The following SLC22A17 variants were observed in gnomAD, a reference collection of about 807,000 sequenced individuals.
The protein encoded by SLC22A17 is solute carrier family 22 member 17, also known as 24p3 receptor.
SLC22A17 carries 38 observed loss-of-function variants against 53.6 expected under a neutral mutation model. The ratio of observed to expected loss-of-function variants is 0.71; its 90% confidence interval spans 0.55 to 0.93. SLC22A17 has a LOEUF of 0.93. SLC22A17 is among the 40% of genes least tolerant of loss of function. SLC22A17 has a pLI of 0.00. For missense variants in SLC22A17, 704 were observed against 791.0 expected, an observed-to-expected ratio of 0.89 and a Z score of 1.32; for synonymous variants, 379 against 353.0, an observed-to-expected ratio of 1.07 and a Z score of -0.82.
intron 3 of SLC22A17, 72 bp downstream of exon 3, chr14:23,351,680 C>T (rs1325570418): frequency 9.6e-6 from 13 of 1,349,642 alleles, no homozygotes; most frequent in African/African-American, 1.5e-5. Flanking sequence ...CTCCTGTAAA[C>T]GCCCGCTGCT....
chr14:23,352,838 G>A lies in SLC22A17; in HGVS notation c.-97C>T. The A allele has an allele frequency of 2.5e-6, 1 of 398,260 alleles. No individual in the cohort carries two copies. Among genetic ancestry groups the A allele is most frequent in the Non-Finnish European group, 4.4e-6 (1 of 225,616 alleles). 24.7% of individuals were successfully genotyped at this position (398,260 alleles called of 1,614,324 possible). ...GCTGCCCGGACACAGACAGCTCGAA[G>A]AGATCCCGCTCTGCAGCTCTGCAGC... On this transcript the variant is annotated 5_prime_UTR_variant, in exon 1 of 10. Coordinates refer to ENST00000397267, the Ensembl canonical transcript of SLC22A17. The surrounding 1 kb of genome is among the most constrained non-coding windows in gnomAD (Gnocchi z 7.2).
chr14:23,348,930 GC>G lies in SLC22A17; in HGVS notation c.860-260del, dbSNP rs1159371568. 3.4e-6 allele frequency: 2 copies of G among 594,794 alleles called. No individual in the cohort carries two copies. Among genetic ancestry groups the G allele is most frequent in the Non-Finnish European group, 5.9e-6 (2 of 336,220 alleles). The allele number at this position is 594,794 out of a possible 1,614,324, so 36.8% of individuals were successfully genotyped here. On this transcript the variant is annotated intron_variant, in intron 4 of 9. Coordinates refer to ENST00000397267, the Ensembl canonical transcript of SLC22A17. The surrounding 1 kb of genome is among the most constrained non-coding windows in gnomAD (Gnocchi z 4.5). ...AGTGTTCAACATTTCCAATTTATAGGCCCTTTCCCATCAGGCCTCTTATTTG... is the reference window on the plus strand; with the variant it reads ...AGTGTTCAACATTTCCAATTTATAGGCCTTTCCCATCAGGCCTCTTATTTG...
chr14:23,346,645 C>G (rs555999104), exon 10 of SLC22A17: 1 of 1,478,466 alleles, frequency 6.8e-7, no homozygotes, highest in African/African-American at 1.4e-5. Flanking sequence ...ACTCAGAGGC[C>G]GCTCAGAGGG....
chr14:23,348,833 T>C lies in SLC22A17; in HGVS notation c.860-162A>G. On this transcript the variant is annotated intron_variant, in intron 4 of 9. Coordinates refer to ENST00000397267, the Ensembl canonical transcript of SLC22A17. The surrounding 1 kb of genome is among the most constrained non-coding windows in gnomAD (Gnocchi z 4.5). Reference sequence around the variant, plus strand: ...TTGCTAACCTCTGGGTGGCAAGGACTGGGGAGACTGTTCAGCCCTCTCTCC... The same window carrying C: ...TTGCTAACCTCTGGGTGGCAAGGACCGGGGAGACTGTTCAGCCCTCTCTCC... The C allele has an allele frequency of 1.4e-6, 1 of 737,618 alleles. No homozygotes were observed. Among genetic ancestry groups the C allele is most frequent in the Non-Finnish European group, 2.2e-6 (1 of 463,312 alleles). 45.7% of individuals were successfully genotyped at this position (737,618 alleles called of 1,614,324 possible).
exon 10 of SLC22A17, chr14:23,346,697 G>A (rs1384049537): frequency 6.5e-7 from 1 of 1,539,792 alleles, no homozygotes; most frequent in East Asian, 2.3e-5. Flanking sequence ...GTCACAGCGG[G>A]TAGGGGGTGG....
chr14:23,346,523 C>T (rs1017189933), exon 10 of SLC22A17: 7 of 1,255,254 alleles, frequency 5.6e-6, no homozygotes, highest in East Asian at 2.6e-5. Flanking sequence ...CTGAGCTCTC[C>T]GCGATGGCTG....
chr14:23,347,463 T>C lies in SLC22A17; in HGVS notation c.1546A>G (p.Arg516Gly), dbSNP rs1319712723. ...TGGCTGTGCCTGTCTGAAGCACCTC[T>C]GTTGGGGTTCCCTTGTTGAGCCCAC... The change falls in exon 8 of 10, where the codon AGA becomes GGA. Residue 516 changes from arginine (R) to glycine (G), a missense_variant. Coordinates refer to ENST00000397267, the Ensembl canonical transcript of SLC22A17. The surrounding 1 kb of genome is among the most constrained non-coding windows in gnomAD (Gnocchi z 5.1). 1 of 1,613,442 alleles carries C rather than the reference T, an allele frequency of 6.2e-7. No homozygotes were observed. Among genetic ancestry groups the C allele is most frequent in the Non-Finnish European group, 8.5e-7 (1 of 1,179,704 alleles).
At chr14:23,351,630 G>T in intron 3 of SLC22A17, 122 bp downstream of exon 3, 1 of 729,952 alleles carries the variant, frequency 1.4e-6, no homozygotes, top group Non-Finnish European at 2.3e-6. Context: ...TTGAATAGAA[G>T]TCCAGAGAAG....
In SLC22A17 at chr14:23,348,592, C is replaced by G. The variant is rs1485777852; in HGVS notation, c.939G>C (p.Leu313=). Residue 313 remains leucine, a synonymous_variant, in exon 5 of 10, where the codon CTG becomes CTC. Coordinates refer to ENST00000397267, the Ensembl canonical transcript of SLC22A17. The surrounding 1 kb of genome is among the most constrained non-coding windows in gnomAD (Gnocchi z 4.5). ...TAGAGACAAGGGCCAGGCCCAGGAA[C>G]AGGAAGTGCCCTCCCACCCCCACCA... 6.2e-7 allele frequency: 1 copy of G among 1,613,978 alleles called. No homozygotes were observed. Among genetic ancestry groups the G allele is most frequent in the African/African-American group, 1.3e-5 (1 of 74,918 alleles).
At position 23,347,690 on chromosome 14, in the gene SLC22A17, C is replaced by G; in HGVS notation, c.1319G>C (p.Gly440Ala). 1 of 1,614,038 alleles carries G rather than the reference C, an allele frequency of 6.2e-7. No homozygotes were observed. The highest frequency in any genetic ancestry group is 8.5e-7 in the Non-Finnish European group (1 of 1,180,028). Residue 440 changes from glycine to alanine, a missense_variant, in exon 8 of 10, where the codon GGA (glycine) becomes GCA (alanine). Physicochemically the swap from Gly to Ala is moderately conservative, Grantham distance 60. Around this residue, in one of 4 missense-constraint regions of SLC22A17, gnomAD observed 435 missense variants for 529.0 expected, o/e 0.82. Transcript: ENST00000397267. This position sits in a 1 kb window ranked among gnomAD's most constrained non-coding sequence, Gnocchi z 5.1. ...GAAGTCCGATGGGCTCCCTCCTCCT[C>G]CCACAGGCTGGTAGCAGTGGCGAAT...
chr14:23,351,685 G>A lies in SLC22A17; in HGVS notation c.704+67C>T, dbSNP rs533654599. ...CGTCTTCGACCTCCTGTAAACGCCC[G>A]CTGCTTGGGTTAGCTTCCCTAGCAC... On this transcript the variant is annotated intron_variant, in intron 3 of 9. Coordinates refer to ENST00000397267, the Ensembl canonical transcript of SLC22A17. 2.8e-6 allele frequency: 4 copies of A among 1,420,036 alleles called. No individual in the cohort carries two copies. In the South Asian group the frequency reaches 3.7e-5, roughly 13 times the overall value. The allele number at this position is 1,420,036 out of a possible 1,614,324, so 88.0% of individuals were successfully genotyped here. A position where few individuals can be genotyped will look rare whatever the true frequency, so the allele number is the denominator to read the frequency against.
rs962976981 is a variant in SLC22A17, at chr14:23,347,808, C to T, written c.1278-77G>A. ...GCCTTCTACAGTGCTGATGGTCCTC[C>T]GCAGGGGTCCCCGGGCCTTCCCACC... On this transcript the variant is annotated intron_variant, in intron 7 of 9. Coordinates refer to ENST00000397267, the Ensembl canonical transcript of SLC22A17. This position sits in a 1 kb window ranked among gnomAD's most constrained non-coding sequence, Gnocchi z 5.1. 9.7e-5 allele frequency: 156 copies of T among 1,611,108 alleles called. No individual in the cohort carries two copies. Among genetic ancestry groups the T allele is most frequent in the Admixed American group, 1.7e-4 (10 of 59,918 alleles).
Position 23,348,327 on chromosome 14 carries a change from G to A in SLC22A17, c.1026-21C>T, listed in dbSNP as rs942335858. The stretch of plus-strand genomic sequence containing the variant: ...GCCAGCTGGGGGCAGGGGGGAAGGG[G>A]TATACTGTGAGGCCTCCCTTCTCCT... On this transcript the variant is annotated intron_variant, in intron 5 of 9. Coordinates refer to ENST00000397267, the Ensembl canonical transcript of SLC22A17. This position sits in a 1 kb window ranked among gnomAD's most constrained non-coding sequence, Gnocchi z 4.5. 13 of 1,613,298 alleles carry A rather than the reference G, an allele frequency of 8.1e-6. No individual in the cohort carries two copies. The highest frequency in any genetic ancestry group is 5.3e-5 in the African/African-American group (4 of 74,910).
In SLC22A17 at chr14:23,352,400, G is replaced by T. The variant is rs753833829; in HGVS notation, c.148C>A (p.Arg50=). 194 of 580,638 alleles carry T rather than the reference G, an allele frequency of 3.3e-4. No homozygotes were observed. The highest frequency in any genetic ancestry group is 3.1e-4 in the Non-Finnish European group (110 of 360,082). 36.0% of individuals were successfully genotyped at this position (580,638 alleles called of 1,614,324 possible). ...CCCTCCCCCTCCCGCTCGCGCTCCC[G>T]CTCACCCTGCAGCTGCTCCGTGGGC... The change falls in exon 2 of 10, where the codon CGG becomes AGG. Residue 50 remains arginine, a synonymous_variant. Coordinates refer to ENST00000397267, the Ensembl canonical transcript of SLC22A17. This position sits in a 1 kb window ranked among gnomAD's most constrained non-coding sequence, Gnocchi z 7.2.
chr14:23,347,673 A>G lies in SLC22A17; in HGVS notation c.1336T>C (p.Ser446Pro). 1 of 1,613,990 alleles carries G rather than the reference A, an allele frequency of 6.2e-7. No homozygotes were observed. Among genetic ancestry groups the G allele is most frequent in the Non-Finnish European group, 8.5e-7 (1 of 1,180,008 alleles). The change falls in exon 8 of 10, where the codon TCG becomes CCG. Residue 446 changes from serine (S) to proline (P), a missense_variant. Around this residue, in one of 4 missense-constraint regions of SLC22A17, gnomAD observed 435 missense variants for 529.0 expected, o/e 0.82. Transcript: ENST00000397267. This position sits in a 1 kb window ranked among gnomAD's most constrained non-coding sequence, Gnocchi z 5.1. ...AGCAGAGAGCACAGGTAGAAGTCCGATGGGCTCCCTCCTCCTCCCACAGGC... is the reference window on the plus strand; with the variant it reads ...AGCAGAGAGCACAGGTAGAAGTCCGGTGGGCTCCCTCCTCCTCCCACAGGC...
At position 23,348,178 on chromosome 14, in the gene SLC22A17, G is replaced by GCCTCCTGGA; in HGVS notation, c.1153_1154insTCCAGGAGG (p.Glu384_Ala385insValGlnGlu). On this transcript the variant is annotated inframe_insertion, in exon 6 of 10. Coordinates refer to ENST00000397267, the Ensembl canonical transcript of SLC22A17. This position sits in a 1 kb window ranked among gnomAD's most constrained non-coding sequence, Gnocchi z 4.5. ...TCTCTTACCCTGCAGGGCCTCCTGG[G>GCCTCCTGGA]CCTCCTCCCCCAGCATCTGCCCATG... The GCCTCCTGGA allele has an allele frequency of 6.2e-7, 1 of 1,614,040 alleles. No individual in the cohort carries two copies. Among genetic ancestry groups the GCCTCCTGGA allele is most frequent in the Non-Finnish European group, 8.5e-7 (1 of 1,179,966 alleles).
chr14:23,347,558 G>A lies in SLC22A17; in HGVS notation c.1451C>T (p.Thr484Ile). 1 of 1,614,088 alleles carries A rather than the reference G, an allele frequency of 6.2e-7. No individual in the cohort carries two copies. Among genetic ancestry groups the A allele is most frequent in the African/African-American group, 1.3e-5 (1 of 75,040 alleles). The change falls in exon 8 of 10, where the codon ACC (threonine) becomes ATC (isoleucine). Residue 484 changes from threonine to isoleucine, a missense_variant. Coordinates refer to ENST00000397267, the Ensembl canonical transcript of SLC22A17. The surrounding 1 kb of genome is among the most constrained non-coding windows in gnomAD (Gnocchi z 5.1). The stretch of plus-strand genomic sequence containing the variant: ...GACCAGGGAAGCAATGCCGGTAAGG[G>A]TCATGGAGAGAAGAAGGATGCCCCG...
At chr14:23,349,617 G>A in intron 3 of SLC22A17, 191 bp from the exon 4 acceptor site, 1 of 638,224 alleles carries the variant, frequency 1.6e-6, no homozygotes, top group South Asian at 2.0e-5. Context: ...ACTGGGCACT[G>A]GGGTGTGGTT....
rs375279686 is a variant in SLC22A17 at position 23,347,609 on chromosome 14, C to G, written c.1400G>C (p.Gly467Ala). 34 of 1,613,888 alleles carry G rather than the reference C, an allele frequency of 2.1e-5. No homozygotes were observed. The highest frequency in any genetic ancestry group is 2.5e-5 in the Non-Finnish European group (29 of 1,179,998). ...GCGGCCAAATCGGTCCACGGTGACC[C>G]CCAGGAAGACACAGGCCAGGGCTGC... The change falls in exon 8 of 10, where the codon GGG (glycine) becomes GCG (alanine). Residue 467 changes from glycine to alanine, a missense_variant. Gly to Ala is a moderately conservative substitution (Grantham distance 60). Around this residue, in one of 4 missense-constraint regions of SLC22A17, gnomAD observed 435 missense variants for 529.0 expected, o/e 0.82. Transcript: ENST00000397267. This position sits in a 1 kb window ranked among gnomAD's most constrained non-coding sequence, Gnocchi z 5.1.
Sources: allele counts gnomAD v4.1 joint callset, GRCh38; gene constraint gnomAD v4.1.1; regional missense constraint gnomAD v4.1.1; non-coding constraint Gnocchi (gnomAD v3.1); transcripts MANE v1.5; gene names NCBI Gene and HGNC (gene_info 2026-07-23, HGNC 2026-07-21).